The following TTC34 variants were observed in gnomAD, a reference collection of about 807,000 sequenced individuals.
The protein encoded by TTC34 is tetratricopeptide repeat protein 34.
TTC34 carries 44 observed loss-of-function variants against 40.7 expected under a neutral mutation model. The observed-to-expected ratio is 1.08, with a 90% CI of 0.85 to 1.39. The LOEUF is 1.39. Among genes scored for constraint, TTC34 ranks in the 40% most tolerant of loss-of-function variants. The probability of loss-of-function intolerance (pLI) is 0.00; values close to 1 mark genes in which losing one functional copy is unlikely to be tolerated. For synonymous variants in TTC34, 422 were observed against 398.6 expected (o/e 1.06, Z -0.70); for missense variants, 884 against 838.0 (o/e 1.05, Z -0.68).
intron 6 of TTC34, among the ~76,000 whole-genome samples, chr1:2,658,656 C>T: frequency 2.6e-5 from 2 of 78,160 alleles, no homozygotes; most frequent in African/African-American, 7.4e-5. Flanking sequence ...CCTGGAACAG[C>T]ACCCTGCACC....
chr1:2,640,540 C>T (rs1009975960), exon 9 of TTC34: 2 of 152,206 alleles, frequency 1.3e-5, no homozygotes, highest in Non-Finnish European at 2.9e-5. Context: ...GGAAGTTTAC[C>T]CCCAGCACAC....
At chr1:2,753,578 C>T (rs1641398363) in intron 6 of TTC34, among the ~76,000 whole-genome samples, 1 of 105,026 alleles carries the variant, frequency 9.5e-6, no homozygotes, top group Non-Finnish European at 1.8e-5. Context: ...CACCCACACC[C>T]CCAGGTGAGC....
At chr1:2,677,791 C>CT (rs1557602023) in intron 6 of TTC34, among the ~76,000 whole-genome samples, 794 of 5,492 alleles carry the variant, frequency 0.14, 31 homozygotes, top group African/African-American at 0.2. Context: ...AGCATCTGAC[C>CT]GCATCACATG....
chr1:2,787,725 A>C lies in TTC34; in HGVS notation c.1629-19T>G. 3.3e-6 allele frequency: 5 copies of C among 1,506,548 alleles called. No homozygotes were observed. The highest frequency in any genetic ancestry group is 3.6e-6 in the Non-Finnish European group (4 of 1,118,020). The allele number at this position is 1,506,548 out of a possible 1,614,324, so 93.3% of individuals were successfully genotyped here. ...GGCGACCCTGTGTGGAGATCAGCTC[A>C]GGGGGGCATGCCCCTTTTGACAACC... On this transcript the variant is annotated intron_variant, in intron 3 of 8. Transcript: ENST00000401095.
chr1:2,755,747 C>A lies in TTC34; in HGVS notation c.2226+27862G>T, dbSNP rs1295312731. Reference sequence around the variant, plus strand: ...CAGCCTGGAGCAGCACCCACACACCCAGGCGAGCATCTGACAGCCTGGAAC... The same window carrying A: ...CAGCCTGGAGCAGCACCCACACACCAAGGCGAGCATCTGACAGCCTGGAAC... On this transcript the variant is annotated intron_variant, in intron 6 of 8. Transcript: ENST00000401095. Among the ~76,000 whole-genome samples, 734 of 139,510 alleles carry A rather than the reference C, an allele frequency of 5.3e-3. 9 individuals are homozygous for A. The highest frequency in any genetic ancestry group is 8.6e-3 in the Admixed American group (114 of 13,292). 91.5% of individuals were successfully genotyped at this position (139,510 alleles called of 152,430 possible). A position where few individuals can be genotyped will look rare whatever the true frequency, so the allele number is the denominator to read the frequency against.
In TTC34 at chr1:2,751,309, G is replaced by A. The variant is rs1283319437; in HGVS notation, c.2226+32300C>T. ...CACACCCAGGTGAGCATCCGACACC[G>A]TGGAGCAGAACAAACACCCCCAGGC... is the stretch of plus-strand genomic sequence containing the variant. On this transcript the variant is annotated intron_variant, in intron 6 of 8. Transcript: ENST00000401095. 1.6e-4 allele frequency among the ~76,000 whole-genome samples: 2 copies of A among 12,366 alleles called. 1 individual carries two copies. The highest frequency in any genetic ancestry group is 3.1e-4 in the Non-Finnish European group (2 of 6,436). 8.1% of individuals were successfully genotyped at this position (12,366 alleles called of 152,430 possible).
intron 6 of TTC34, among the ~76,000 whole-genome samples, chr1:2,773,158 G>C (rs1642569109): frequency 1.5e-5 from 2 of 136,648 alleles, no homozygotes; most frequent in Admixed American, 7.3e-5. Flanking sequence ...GCATCTGACA[G>C]CCTGGAGCAG....
chr1:2,754,301 C>T (rs1268860780), intron 6 of TTC34, among the ~76,000 whole-genome samples: 3 of 47,676 alleles, frequency 6.3e-5, no homozygotes, highest in Admixed American at 2.0e-4. Context: ...CGCACACCCC[C>T]AGGTGAGCAT....
intron 6 of TTC34, among the ~76,000 whole-genome samples, chr1:2,753,273 C>G (rs1401042929): frequency 1.8e-5 from 2 of 108,174 alleles, no homozygotes; most frequent in African/African-American, 8.3e-5. Context: ...GAGCATCTGA[C>G]AGCCTGGAAC....
intron 6 of TTC34, among the ~76,000 whole-genome samples, chr1:2,777,372 A>C (rs1643258897): frequency 1.4e-5 from 2 of 143,656 alleles, no homozygotes; most frequent in Non-Finnish European, 1.5e-5. Flanking sequence ...GCAACACCCC[A>C]CACCTCCAGG....
intron 6 of TTC34, among the ~76,000 whole-genome samples, chr1:2,777,801 C>G (rs1453791715): frequency 6.6e-6 from 1 of 152,198 alleles, no homozygotes; most frequent in Admixed American, 6.5e-5. Context: ...CTCCAACGTC[C>G]TGGCTGACTT....
At chr1:2,656,358 C>A (rs1484479701) in intron 6 of TTC34, among the ~76,000 whole-genome samples, 60 of 146,992 alleles carry the variant, frequency 4.1e-4, no homozygotes, top group African/African-American at 1.3e-3. Flanking sequence ...ATCTGACAGC[C>A]TGGAACAGCA....
intron 6 of TTC34, among the ~76,000 whole-genome samples, chr1:2,651,871 C>T (rs1639144589): frequency 6.6e-6 from 1 of 151,968 alleles, no homozygotes; most frequent in Non-Finnish European, 1.5e-5. Flanking sequence ...TGGACTCAAA[C>T]AACAACTCAC....
At chr1:2,756,054 AGCACCC>A (rs2100446582) in intron 6 of TTC34, among the ~76,000 whole-genome samples, 1 of 82,434 alleles carries the variant, frequency 1.2e-5, no homozygotes, top group East Asian at 3.8e-4. Context: ...AACCTGGAAC[AGCACCC>A]ATACGCCAAG....
chr1:2,750,763 A>C (rs1641293333), intron 6 of TTC34, among the ~76,000 whole-genome samples: 1 of 91,632 alleles, frequency 1.1e-5, no homozygotes, highest in African/African-American at 4.6e-5. Flanking sequence ...AGCAGCACGC[A>C]TAAACACAGG....
chr1:2,683,530 A>C (rs1640177092), intron 6 of TTC34, among the ~76,000 whole-genome samples: 1 of 147,124 alleles, frequency 6.8e-6, no homozygotes, highest in Non-Finnish European at 1.5e-5. Flanking sequence ...TGAGCATCTG[A>C]TGGTCTGGAG....
intron 8 of TTC34, among the ~76,000 whole-genome samples, chr1:2,643,248 A>T (rs1235404128): frequency 6.6e-6 from 1 of 152,216 alleles, no homozygotes; most frequent in African/African-American, 2.4e-5. Context: ...GGGGCGCAGG[A>T]AGCGGGGCGA....
exon 9 of TTC34, chr1:2,637,825 C>T (rs1638821797): frequency 2.0e-5 from 3 of 152,232 alleles, no homozygotes; most frequent in South Asian, 2.1e-4. Context: ...TGCTACAACT[C>T]GGATGCACAG....
At chr1:2,751,045 A>G (rs1312378253) in intron 6 of TTC34, among the ~76,000 whole-genome samples, 1 of 90,458 alleles carries the variant, frequency 1.1e-5, no homozygotes, top group Non-Finnish European at 2.2e-5. Flanking sequence ...CAGAACCCAC[A>G]CCCCCAGGTG....
Sources: allele counts gnomAD v4.1 joint callset (sites outside exome capture counted in the v4.1 genomes callset), GRCh38; gene constraint gnomAD v4.1.1; transcripts MANE v1.5; gene names NCBI Gene and HGNC (gene_info 2026-07-23, HGNC 2026-07-21).